LONP1: variants seen among roughly 807,000 people sequenced by gnomAD.
The protein encoded by LONP1 is lon protease homolog, mitochondrial.
A neutral mutation model predicts 98.5 loss-of-function variants in LONP1; 31 were observed. That is an observed-to-expected ratio of 0.31 (90% CI 0.24 to 0.42). The LOEUF is 0.42. Ranked by LOEUF, LONP1 falls within the 20% of genes least tolerant of loss-of-function variation. LONP1 has a pLI of 1.00. For missense variants in LONP1, 1,336 were observed against 1,350.6 expected (o/e 0.99, Z 0.17); for synonymous variants, 781 against 594.7 (o/e 1.31, Z -4.56).
Position 5,700,937 on chromosome 19 carries a change from G to T in LONP1, c.1368-10C>A, listed in dbSNP as rs777091125. The T allele has an allele frequency of 1.2e-6, 2 of 1,614,064 alleles. No individual in the cohort carries two copies. Among genetic ancestry groups the T allele is most frequent in the Middle Eastern group, 1.7e-4 (1 of 6,060 alleles). On this transcript the variant is annotated splice_polypyrimidine_tract_variant and intron_variant, in intron 8 of 17. Transcript: ENST00000360614. Reference sequence around the variant, plus strand: ...GTAGTTGCGGGTGACACTGCCAGGGGACAGATGGAGAGATGCTGAGTGGAG... The same window carrying T: ...GTAGTTGCGGGTGACACTGCCAGGGTACAGATGGAGAGATGCTGAGTGGAG...
chr19:5,699,649 C>T (rs975815259), intron 9 of LONP1, among the ~76,000 whole-genome samples: 3 of 151,420 alleles, frequency 2.0e-5, no homozygotes, highest in Admixed American at 6.6e-5. Context: ...CCTCAGCCTC[C>T]TGGGTTCAAG....
chr19:5,710,900 C>A (rs970335679), intron 4 of LONP1, among the ~76,000 whole-genome samples: 1 of 152,080 alleles, frequency 6.6e-6, no homozygotes, highest in South Asian at 2.1e-4. Flanking sequence ...GTGGCACGTG[C>A]CTGCAATCCC....
rs546034497 is a variant in LONP1, at chr19:5,694,381, G to A, written c.2320+6C>T. On this transcript the variant is annotated splice_donor_region_variant and intron_variant, in intron 15 of 17. Transcript: ENST00000360614. ...CTTTGGGGTCTTCTCCCGCCACCAC[G>A]CTCACCCATTGCGGTCCAGGCCAGC... 5.0e-6 allele frequency: 8 copies of A among 1,611,610 alleles called. No individual in the cohort carries two copies. The highest frequency in any genetic ancestry group is 1.7e-4 in the Middle Eastern group (1 of 6,058).
In LONP1 at chr19:5,714,176, C is replaced by A. The variant is rs1322253366; in HGVS notation, c.518+7G>T. On this transcript the variant is annotated splice_region_variant and intron_variant, in intron 2 of 17. Transcript: ENST00000360614. ...CAACAAGGGAATGAAGGAAAAATCA[C>A]ACTTACCTGTCATCTCTCTTTAGAA... 27 of 1,610,734 alleles carry A rather than the reference C, an allele frequency of 1.7e-5. No individual in the cohort carries two copies. Among genetic ancestry groups the A allele is most frequent in the Non-Finnish European group, 2.2e-5 (26 of 1,177,990 alleles).
At chr19:5,713,278 T>C in intron 2 of LONP1, 25 bp from the exon 3 acceptor site, 1 of 1,613,872 alleles carries the variant, frequency 6.2e-7, no homozygotes, top group South Asian at 1.1e-5. Context: ...CACAGAGGAA[T>C]GTTGGAACAT....
intron 13 of LONP1, among the ~76,000 whole-genome samples, chr19:5,695,495 G>A (rs1388246448): frequency 1.3e-5 from 2 of 152,200 alleles, no homozygotes; most frequent in Admixed American, 6.5e-5. Flanking sequence ...CTGGGAACTG[G>A]GCCCAGCAGT....
Position 5,693,343 on chromosome 19 carries a change from C to T in LONP1, c.2658G>A (p.Thr886=), listed in dbSNP as rs142397293. 1.1e-5 allele frequency: 17 copies of T among 1,613,240 alleles called. No homozygotes were observed. Among genetic ancestry groups the T allele is most frequent in the Admixed American group, 5.0e-5 (3 of 60,002 alleles). ...TGCCACCAACAGGCAGGATCTTGCC[C>T]GTGAGGGAGACTTCGCCAGTCATGG... ...NLAMTGEVSL[T]GKILPVGGIK... Residue 886 remains threonine, a synonymous_variant, in exon 17 of 18, where the codon ACG becomes ACA. Transcript: ENST00000360614.
At chr19:5,707,182 C>A in intron 6 of LONP1, 39 bp from the exon 7 acceptor site, 1 of 1,581,536 alleles carries the variant, frequency 6.3e-7, no homozygotes, top group Non-Finnish European at 8.7e-7. Context: ...GAGCAGAAGT[C>A]GGCATCTGTG....
chr19:5,720,127 C>A lies in LONP1; in HGVS notation c.6G>T (p.Ala2=). The A allele has an allele frequency of 7.1e-7, 1 of 1,414,662 alleles. No individual in the cohort carries two copies. The highest frequency in any genetic ancestry group is 1.5e-5 in the South Asian group (1 of 67,246). The allele number at this position is 1,414,662 out of a possible 1,614,324, so 87.6% of individuals were successfully genotyped here. Reference sequence around the variant, plus strand: ...ACAGTCGCACGTAGCCAGTGCTCGCCGCCATAGCCCGGCCATACTGGCGGC... The same window carrying A: ...ACAGTCGCACGTAGCCAGTGCTCGCAGCCATAGCCCGGCCATACTGGCGGC... M[A]ASTGYVRLWG... is the part of the protein sequence containing the mutation. The change falls in exon 1 of 18, where the codon GCG becomes GCT. Residue 2 remains alanine, a synonymous_variant. Coordinates refer to ENST00000360614, the MANE Select transcript of LONP1 (RefSeq NM_004793.4).
rs767814797 is a variant in LONP1, at chr19:5,694,722, G to C, written c.2154+39C>G. 56 of 1,575,750 alleles carry C rather than the reference G, an allele frequency of 3.6e-5. No individual in the cohort carries two copies. The Middle Eastern group carries it at 8.5e-4, about 24-fold the overall frequency. ...GGGGTGATCAGCGTGGGATGGTGAG[G>C]TGGGCGGCAGGTGCCAGGAGGGCGG... On this transcript the variant is annotated intron_variant, in intron 14 of 17. Coordinates refer to ENST00000360614, the MANE Select transcript of LONP1 (RefSeq NM_004793.4).
Position 5,696,443 on chromosome 19 carries a change from G to C in LONP1, c.1774-72C>G, listed in dbSNP as rs571482944. 1.0e-4 allele frequency: 158 copies of C among 1,567,490 alleles called. No homozygotes were observed. In the African/African-American group the frequency reaches 1.9e-3, roughly 19 times the overall value. On this transcript the variant is annotated intron_variant, in intron 11 of 17. Transcript: ENST00000360614. The stretch of plus-strand genomic sequence containing the variant: ...AGCCCGCCCAGTGGGGAGACCCCAG[G>C]GTCAGGGCTGGGGAGACCCCGAGTG...
chr19:5,695,183 C>G (rs563108598), intron 13 of LONP1, among the ~76,000 whole-genome samples: 2 of 152,234 alleles, frequency 1.3e-5, no homozygotes, highest in South Asian at 4.1e-4. Context: ...GCCCCATGGG[C>G]TGGCCCCATA....
chr19:5,692,196 C>A lies in LONP1; in HGVS notation c.2716G>T (p.Gly906Trp), dbSNP rs775882355. The A allele has an allele frequency of 1.7e-5, 28 of 1,612,574 alleles. No homozygotes were observed. Among genetic ancestry groups the A allele is most frequent in the Non-Finnish European group, 2.4e-5 (28 of 1,179,096 alleles). ...GCTGGCAGGACGATGCACGTCACCC[C>A]TGCGCGCTTGGCCTGGGGGCAGAGT... is the stretch of plus-strand genomic sequence containing the variant. ...KEKTIAAKRAGVTCIVLPAEN... is the reference protein window; with the variant it reads ...KEKTIAAKRAWVTCIVLPAEN... The change falls in exon 18 of 18, where the codon GGG becomes TGG. Residue 906 changes from glycine to tryptophan, a missense_variant. Coordinates refer to ENST00000360614, the MANE Select transcript of LONP1 (RefSeq NM_004793.4).
Position 5,694,562 on chromosome 19 carries a change from C to A in LONP1, c.2155-10G>T. The A allele has an allele frequency of 6.2e-7, 1 of 1,603,648 alleles. No individual in the cohort carries two copies. The highest frequency in any genetic ancestry group is 1.1e-5 in the South Asian group (1 of 90,812). The stretch of plus-strand genomic sequence containing the variant: ...CCGATTTCCGTAACACCTGGGCGGT[C>A]AGGGCAACACAATGGGCACGGGAAG... On this transcript the variant is annotated splice_polypyrimidine_tract_variant and intron_variant, in intron 14 of 17. Transcript: ENST00000360614.
chr19:5,692,621 A>G (rs907979227), intron 17 of LONP1, among the ~76,000 whole-genome samples: 15 of 152,060 alleles, frequency 9.9e-5, no homozygotes, highest in Non-Finnish European at 1.9e-4. Context: ...CGGAGGCTAC[A>G]CATATCTGGA....
intron 3 of LONP1, among the ~76,000 whole-genome samples, chr19:5,712,913 G>A (rs2055259855): frequency 6.6e-6 from 1 of 152,134 alleles, no homozygotes; most frequent in Non-Finnish European, 1.5e-5. Flanking sequence ...TTCCAGGCAG[G>A]AGTCACCATG....
chr19:5,705,254 C>T (rs1401389988), intron 8 of LONP1, among the ~76,000 whole-genome samples: 8 of 151,618 alleles, frequency 5.3e-5, no homozygotes, highest in African/African-American at 1.5e-4. Flanking sequence ...GTCAGGAGTT[C>T]GAGACCAGCC....
Position 5,713,117 on chromosome 19 carries a change from C to A in LONP1, c.638+17G>T. Reference sequence around the variant, plus strand: ...TACTCTGCCCCCACCTCCCACTGTCCCCCGCCAGCCACCCACCTTCTGTGT... The same window carrying A: ...TACTCTGCCCCCACCTCCCACTGTCACCCGCCAGCCACCCACCTTCTGTGT... On this transcript the variant is annotated intron_variant, in intron 3 of 17. Coordinates refer to ENST00000360614, the MANE Select transcript of LONP1 (RefSeq NM_004793.4). The A allele has an allele frequency of 1.2e-6, 2 of 1,613,884 alleles. No individual in the cohort carries two copies. Among genetic ancestry groups the A allele is most frequent in the Non-Finnish European group, 1.7e-6 (2 of 1,179,912 alleles).
At chr19:5,704,494 G>A (rs1055103079) in intron 8 of LONP1, among the ~76,000 whole-genome samples, 2 of 152,176 alleles carry the variant, frequency 1.3e-5, no homozygotes, top group African/African-American at 4.8e-5. Context: ...CAGCAGCCAG[G>A]AAAGAAACTC....
Sources: allele counts gnomAD v4.1 joint callset (sites outside exome capture counted in the v4.1 genomes callset), GRCh38; gene constraint gnomAD v4.1.1; transcripts MANE v1.5; gene names NCBI Gene and HGNC (gene_info 2026-07-23, HGNC 2026-07-21).